The following NTM variants were observed in gnomAD, a reference collection of about 807,000 sequenced individuals.
NTM encodes the protein neurotrimin, also known as IgLON family member 2.
In NTM, 13 loss-of-function variants were observed where a neutral mutation model predicts 42.1. The ratio of observed to expected loss-of-function variants is 0.31; its 90% CI spans 0.20 to 0.49. The LOEUF is 0.49. NTM is among the 20% of genes least tolerant of loss of function. NTM has a pLI of 0.99. For missense variants in NTM, 373 were observed against 452.8 expected (o/e 0.82, Z 1.60); for synonymous variants, 187 against 179.2 (o/e 1.04, Z -0.35).
intron 1 of NTM, among the ~76,000 whole-genome samples, chr11:131,828,322 C>T (rs1305428053): frequency 6.6e-6 from 1 of 152,084 alleles, no homozygotes; most frequent in East Asian, 1.9e-4. Flanking sequence ...CCGCCTTCAC[C>T]ATTATTGCCA....
At chr11:132,203,212 T>A (rs137927689) in intron 3 of NTM, among the ~76,000 whole-genome samples, 1 of 152,314 alleles carries the variant, frequency 6.6e-6, no homozygotes, top group African/African-American at 2.4e-5. Context: ...TGCATCCCAA[T>A]GTCCAAACCA....
At chr11:132,329,992 G>A (rs2095766773) in intron 7 of NTM, 161 bp from the exon 8 acceptor site, 1 of 722,014 alleles carries the variant, frequency 1.4e-6, no homozygotes, top group Admixed American at 6.3e-5. Context: ...GGTCACATAG[G>A]AGGGCTGGGC....
chr11:131,535,835 G>A (rs423399), intron 1 of NTM: 113,733 of 152,170 alleles, frequency 0.75, 43,362 homozygotes, highest in Non-Finnish European at 0.83. Context: ...TAGAAACCAC[G>A]CCGAAAACAT....
intron 1 of NTM, among the ~76,000 whole-genome samples, chr11:131,501,037 G>A (rs1313276232): frequency 6.6e-6 from 1 of 151,884 alleles, no homozygotes; most frequent in East Asian, 2.0e-4. Context: ...GTCAAATTCA[G>A]ATGGTCTGAC....
intron 2 of NTM, among the ~76,000 whole-genome samples, chr11:132,014,736 G>GTTTTTTTTTTTTTTTTTTTT (rs146527050): frequency 3.6e-5 from 3 of 84,016 alleles, no homozygotes; most frequent in African/African-American, 1.5e-4. Flanking sequence ...AGAATTACTT[G>GTTTTTTTTTTTTTTTTTTTT]TTTTTTTTTT....
At chr11:131,660,386 GA>G in intron 1 of NTM, 1 of 441,102 alleles carries the variant, frequency 2.3e-6, no homozygotes, top group Non-Finnish European at 4.6e-6. Flanking sequence ...CGGAGGGGGT[GA>G]GGGTGAGGGA....
intron 4 of NTM, among the ~76,000 whole-genome samples, chr11:132,306,120 G>A (rs1021211483): frequency 1.3e-5 from 2 of 152,144 alleles, no homozygotes; most frequent in African/African-American, 2.4e-5. Flanking sequence ...AGTGCTGATC[G>A]AATGGAACAA....
At chr11:131,516,907 CT>C (rs2048965909) in intron 1 of NTM, among the ~76,000 whole-genome samples, 1 of 152,116 alleles carries the variant, frequency 6.6e-6, no homozygotes, top group Non-Finnish European at 1.5e-5. Context: ...TATAGGGCCA[CT>C]TTAGATTGCA....
Position 132,306,708 on chromosome 11 carries a change from G to A in NTM, c.527-981G>A, listed in dbSNP as rs182636627. 5.1e-3 allele frequency among the ~76,000 whole-genome samples: 771 copies of A among 152,248 alleles called. 3 individuals carry two copies. Among genetic ancestry groups the A allele is most frequent in the Non-Finnish European group, 6.4e-3 (432 of 68,022 alleles). Reference sequence around the variant, plus strand: ...CTCATTTCCTTTTAAAGGTATCCAGGTTTAGGATGCTGTCTTTCTAATTAC... The same window carrying A: ...CTCATTTCCTTTTAAAGGTATCCAGATTTAGGATGCTGTCTTTCTAATTAC... On this transcript the variant is annotated intron_variant, in intron 4 of 8. Coordinates refer to ENST00000683400, the MANE Select transcript of NTM (RefSeq NM_001352005.2).
intron 1 of NTM, among the ~76,000 whole-genome samples, chr11:131,889,424 A>G (rs1327194067): frequency 6.6e-6 from 1 of 152,224 alleles, no homozygotes; most frequent in Non-Finnish European, 1.5e-5. Context: ...CTGAGTGCAC[A>G]GCACACACCA....
intron 2 of NTM, among the ~76,000 whole-genome samples, chr11:131,991,286 T>C (rs778228466): frequency 6.6e-6 from 1 of 152,148 alleles, no homozygotes; most frequent in Non-Finnish European, 1.5e-5. Flanking sequence ...TTGCATTGCA[T>C]AGTTGAGAAC....
At chr11:132,156,509 G>A (rs1158088075) in intron 3 of NTM, among the ~76,000 whole-genome samples, 1 of 152,196 alleles carries the variant, frequency 6.6e-6, no homozygotes, top group African/African-American at 2.4e-5. Context: ...CAGTTAAAAT[G>A]TGGCATTTGT....
intron 1 of NTM, among the ~76,000 whole-genome samples, chr11:131,432,003 A>G (rs1162193604): frequency 2.0e-5 from 3 of 152,214 alleles, no homozygotes; most frequent in Non-Finnish European, 4.4e-5. Flanking sequence ...GATGATTCCT[A>G]TTTGATGAAT....
chr11:131,862,967 G>A (rs1327700554), intron 1 of NTM, among the ~76,000 whole-genome samples: 1 of 152,184 alleles, frequency 6.6e-6, no homozygotes, highest in Non-Finnish European at 1.5e-5. Context: ...AGCTTATCCT[G>A]TCTAAAACGA....
chr11:131,857,960 A>C (rs2046264257), intron 1 of NTM, among the ~76,000 whole-genome samples: 1 of 151,906 alleles, frequency 6.6e-6, no homozygotes, highest in Non-Finnish European at 1.5e-5. Context: ...GGTTCCTGAC[A>C]GCTCTCCCCC....
In NTM at chr11:131,989,479, G is replaced by A. The variant is rs972831997; in HGVS notation, c.167+77831G>A. 4.6e-5 allele frequency among the ~76,000 whole-genome samples: 7 copies of A among 152,164 alleles called. No individual in the cohort carries two copies. The East Asian group carries it at 5.8e-4, about 13-fold the overall frequency. On this transcript the variant is annotated intron_variant, in intron 2 of 8. Transcript: ENST00000683400. ...CTCATAGGAATTATTCACTTAACTC[G>A]CGGGATCAGAAAAATGCCAATGTAC... is the stretch of plus-strand genomic sequence containing the variant.
chr11:132,328,809 C>T (rs1239293056), intron 7 of NTM, among the ~76,000 whole-genome samples: 1 of 151,990 alleles, frequency 6.6e-6, no homozygotes, highest in Non-Finnish European at 1.5e-5. Context: ...ATGAAAATAG[C>T]CCCTCCCCCT....
At chr11:132,044,147 C>CGTGT (rs567597547) in intron 2 of NTM, among the ~76,000 whole-genome samples, 7 of 45,830 alleles carry the variant, frequency 1.5e-4, no homozygotes, top group African/African-American at 7.0e-4. Context: ...TGTGTATGTG[C>CGTGT]GTGTGTGTGT....
chr11:132,170,561 T>C (rs1158064888), intron 3 of NTM, among the ~76,000 whole-genome samples: 2 of 152,236 alleles, frequency 1.3e-5, no homozygotes, highest in African/African-American at 4.8e-5. Context: ...TTAAGAGCTA[T>C]GAATTTTGAA....
Sources: allele counts gnomAD v4.1 joint callset (sites outside exome capture counted in the v4.1 genomes callset), GRCh38; gene constraint gnomAD v4.1.1; transcripts MANE v1.5; gene names NCBI Gene and HGNC (gene_info 2026-07-23, HGNC 2026-07-21).